Variants in EYA2 observed in about 807,000 individuals in gnomAD.
EYA2 encodes the protein EYA transcriptional coactivator and phosphatase 2, also known as protein phosphatase EYA2.
Under a neutral mutation model 69.2 loss-of-function variants are expected in EYA2, and 31 were observed. The ratio of observed to expected loss-of-function variants is 0.45; its 90% CI spans 0.34 to 0.60. The LOEUF (loss-of-function observed/expected upper bound fraction) is 0.60. Ranked by LOEUF, EYA2 falls within the 20% of genes least tolerant of loss-of-function variation. The pLI, the probability that EYA2 is intolerant of heterozygous loss-of-function variation, is 0.02. For missense variants in EYA2, 622 were observed against 701.2 expected (o/e 0.89, Z 1.28); for synonymous variants, 257 against 279.4 (o/e 0.92, Z 0.80).
intron 1 of EYA2, among the ~76,000 whole-genome samples, chr20:46,946,382 A>G (rs1477918610): frequency 6.6e-6 from 1 of 152,118 alleles, no homozygotes; most frequent in African/African-American, 2.4e-5. Context: ...TGCGGTCAAA[A>G]TCTCCCCAGG....
intron 15 of EYA2, among the ~76,000 whole-genome samples, chr20:47,186,511 C>T (rs1403675539): frequency 6.6e-6 from 1 of 151,926 alleles, no homozygotes; most frequent in African/African-American, 2.4e-5. Flanking sequence ...AGGTGGCCAC[C>T]ACCACGCCCA....
chr20:47,088,467 C>G (rs542070077), intron 7 of EYA2, among the ~76,000 whole-genome samples: 23 of 152,136 alleles, frequency 1.5e-4, no homozygotes, highest in Non-Finnish European at 3.1e-4. Flanking sequence ...CATAACTCCT[C>G]CATCATTACA....
rs191375387 is a variant in EYA2 at position 46,970,705 on chromosome 20, C to T, written c.-10-19296C>T. On this transcript the variant is annotated intron_variant, in intron 1 of 15. Transcript: ENST00000327619. ...ATGCAGACATTGAAGAAGAAGCAGG[C>T]GGCTCCATGTGTACTGATGTCGAAA... 9.2e-4 allele frequency among the ~76,000 whole-genome samples: 140 copies of T among 152,192 alleles called. 1 individual carries two copies. Among genetic ancestry groups the T allele is most frequent in the East Asian group, 3.1e-3 (16 of 5,184 alleles).
At chr20:46,934,634 C>T (rs1158957585) in intron 1 of EYA2, among the ~76,000 whole-genome samples, 2 of 152,102 alleles carry the variant, frequency 1.3e-5, no homozygotes, top group East Asian at 1.9e-4. Flanking sequence ...GGATGCTGGG[C>T]AGGTACAGAC....
intron 1 of EYA2, among the ~76,000 whole-genome samples, chr20:46,957,557 AC>A (rs1568686776): frequency 1.9e-4 from 28 of 150,748 alleles, no homozygotes; most frequent in South Asian, 2.1e-4. Flanking sequence ...ACACACACAC[AC>A]ACACACACAC....
At chr20:47,078,324 C>CGT (rs1363505674) in intron 7 of EYA2, among the ~76,000 whole-genome samples, 916 of 76,048 alleles carry the variant, frequency 0.012, 6 homozygotes, top group African/African-American at 0.037. Context: ...CACGTGCGCG[C>CGT]GCGCGCGCAC....
intron 5 of EYA2, among the ~76,000 whole-genome samples, chr20:47,052,369 G>A (rs1027801617): frequency 2.0e-5 from 3 of 152,176 alleles, no homozygotes; most frequent in Non-Finnish European, 4.4e-5. Flanking sequence ...GGGAGGGGCT[G>A]GGGCCCCCAC....
chr20:47,007,845 C>G (rs1982814796), intron 4 of EYA2, among the ~76,000 whole-genome samples: 1 of 151,928 alleles, frequency 6.6e-6, no homozygotes, highest in Non-Finnish European at 1.5e-5. Context: ...CCAGGCTGGT[C>G]TTGAACTTCT....
At chr20:46,932,128 C>T (rs1985696231) in intron 1 of EYA2, among the ~76,000 whole-genome samples, 1 of 151,706 alleles carries the variant, frequency 6.6e-6, no homozygotes, top group Non-Finnish European at 1.5e-5. Flanking sequence ...ATCCACCTAC[C>T]TCGCCCCCCG....
intron 1 of EYA2, among the ~76,000 whole-genome samples, chr20:46,920,019 C>T (rs1463590785): frequency 6.6e-6 from 1 of 152,136 alleles, no homozygotes; most frequent in African/African-American, 2.4e-5. Context: ...AACATTTATA[C>T]ATTAAGTTCA....
At chr20:46,967,840 G>T (rs1184106384) in intron 1 of EYA2, among the ~76,000 whole-genome samples, 2 of 152,198 alleles carry the variant, frequency 1.3e-5, no homozygotes, top group Non-Finnish European at 2.9e-5. Flanking sequence ...TGATTGGCTT[G>T]ACCTTGTGTA....
At chr20:46,916,154 C>T (rs1285032223) in intron 1 of EYA2, among the ~76,000 whole-genome samples, 1 of 152,198 alleles carries the variant, frequency 6.6e-6, no homozygotes, top group African/African-American at 2.4e-5. Context: ...GCCAGTGTTA[C>T]ACTTGCCATC....
chr20:47,005,201 T>A (rs1982633374), intron 4 of EYA2, 117 bp downstream of exon 4: 1 of 1,216,732 alleles, frequency 8.2e-7, no homozygotes, highest in African/African-American at 1.5e-5. Flanking sequence ...GATTTTGGAT[T>A]AGAGATAAAG....
At chr20:46,913,125 A>G (rs1392429551) in intron 1 of EYA2, among the ~76,000 whole-genome samples, 1 of 152,230 alleles carries the variant, frequency 6.6e-6, no homozygotes, top group Admixed American at 6.5e-5. Flanking sequence ...CACCATGGTC[A>G]CTTACAGCCC....
chr20:47,122,779 C>T (rs553043556), intron 9 of EYA2, among the ~76,000 whole-genome samples: 6 of 152,142 alleles, frequency 3.9e-5, no homozygotes, highest in African/African-American at 1.4e-4. Flanking sequence ...TTTATTGTAA[C>T]AGTCACACCC....
intron 2 of EYA2, among the ~76,000 whole-genome samples, chr20:46,996,442 A>G (rs1318755622): frequency 6.6e-6 from 1 of 152,228 alleles, no homozygotes; most frequent in African/African-American, 2.4e-5. Flanking sequence ...CTGCAGCGTC[A>G]GCATCACCTG....
At chr20:47,126,023 G>C (rs182148590) in intron 9 of EYA2, among the ~76,000 whole-genome samples, 31 of 152,302 alleles carry the variant, frequency 2.0e-4, no homozygotes, top group Admixed American at 2.0e-3. Context: ...CAAGCTGCCT[G>C]TATTTTTGAG....
intron 8 of EYA2, among the ~76,000 whole-genome samples, chr20:47,093,436 T>C (rs1232393982): frequency 6.6e-6 from 1 of 152,240 alleles, no homozygotes; most frequent in Non-Finnish European, 1.5e-5. Context: ...TTTCTCACAT[T>C]AGCTGTCTCA....
chr20:46,975,181 G>T (rs778312775), intron 1 of EYA2, among the ~76,000 whole-genome samples: 1 of 152,052 alleles, frequency 6.6e-6, no homozygotes, highest in African/African-American at 2.4e-5. Flanking sequence ...TGCCGTGGTG[G>T]TTACGCAGAG....
Sources: gnomAD v4.1 joint callset for allele counts (sites outside exome capture counted in the v4.1 genomes callset) on GRCh38, gnomAD v4.1.1 for gene constraint, MANE v1.5 for transcripts, NCBI Gene and HGNC (gene_info 2026-07-23, HGNC 2026-07-21) for gene names.